VTA1: variants seen among roughly 807,000 people sequenced by gnomAD.
The protein encoded by VTA1 is vacuolar protein sorting-associated protein VTA1 homolog.
Under a neutral mutation model 36.9 loss-of-function variants are expected in VTA1, and 24 were observed. The ratio of observed to expected loss-of-function variants is 0.65; its 90% CI spans 0.47 to 0.91. The LOEUF is 0.91. Among genes scored for constraint, VTA1 ranks in the 40% least tolerant of loss-of-function variants. The pLI is 0.00. For missense variants in VTA1, 393 were observed against 377.2 expected (o/e 1.04, Z -0.35); for synonymous variants, 142 against 130.2 (o/e 1.09, Z -0.62).
At chr6:142,149,437 G>C (rs1044973034) in intron 1 of VTA1, among the ~76,000 whole-genome samples, 1 of 152,146 alleles carries the variant, frequency 6.6e-6, no homozygotes, top group Non-Finnish European at 1.5e-5. Context: ...CAATCTGGTG[G>C]GTGTGAAATG....
At chr6:142,199,792 A>T (rs1775644258) in intron 6 of VTA1, among the ~76,000 whole-genome samples, 1 of 152,058 alleles carries the variant, frequency 6.6e-6, no homozygotes, top group South Asian at 2.1e-4. Context: ...AGCATATTTG[A>T]CCTTGACTTT....
Position 142,223,616 on chromosome 6 carries a change from T to G in VTA1, c.*4973T>G, listed in dbSNP as rs1437150601. On this transcript the variant is annotated 3_prime_UTR_variant, in exon 8 of 8. Coordinates refer to ENST00000367630, the MANE Select transcript of VTA1 (RefSeq NM_016485.5). ...CATAGCAGTATTCCATGAATATAACTTAATGGGGAACTGGCTTCAGAGTTC... is the reference window on the plus strand; with the variant it reads ...CATAGCAGTATTCCATGAATATAACGTAATGGGGAACTGGCTTCAGAGTTC... 6.6e-6 allele frequency: 1 copy of G among 152,164 alleles called. No homozygotes were observed. The highest frequency in any genetic ancestry group is 2.4e-5 in the African/African-American group (1 of 41,448). 9.4% of individuals were successfully genotyped at this position (152,164 alleles called of 1,614,324 possible).
chr6:142,179,060 CTAA>C (rs1476607787), intron 4 of VTA1, among the ~76,000 whole-genome samples: 2 of 151,598 alleles, frequency 1.3e-5, no homozygotes, highest in East Asian at 3.9e-4. Context: ...GTCTGTGCAC[CTAA>C]TAATAAAACT....
intron 6 of VTA1, among the ~76,000 whole-genome samples, chr6:142,200,408 G>A (rs1281244948): frequency 1.3e-5 from 2 of 151,894 alleles, no homozygotes; most frequent in African/African-American, 4.8e-5. Flanking sequence ...TCACAACTGG[G>A]GGTAGGATAT....
At chr6:142,197,516 T>C (rs994418021) in intron 5 of VTA1, among the ~76,000 whole-genome samples, 3 of 152,220 alleles carry the variant, frequency 2.0e-5, no homozygotes, top group Non-Finnish European at 4.4e-5. Flanking sequence ...CGATACAGTA[T>C]ATTTTAAAAG....
chr6:142,222,405 T>C lies in VTA1; in HGVS notation c.*3762T>C, dbSNP rs1053437831. 2 of 152,188 alleles carry C rather than the reference T, an allele frequency of 1.3e-5. No homozygotes were observed. The highest frequency in any genetic ancestry group is 4.8e-5 in the African/African-American group (2 of 41,426). 9.4% of individuals were successfully genotyped at this position (152,188 alleles called of 1,614,324 possible). On this transcript the variant is annotated 3_prime_UTR_variant, in exon 8 of 8. Transcript: ENST00000367630. ...AGCTGCAAGCCAAGAATAGTTCCCA[T>C]GGTTAGCATGGCCTAGGAAGTTTAC... is the stretch of plus-strand genomic sequence containing the variant.
intron 5 of VTA1, among the ~76,000 whole-genome samples, chr6:142,197,988 T>C (rs927479013): frequency 6.7e-6 from 1 of 149,318 alleles, no homozygotes; most frequent in Non-Finnish European, 1.5e-5. Flanking sequence ...TCCCAGCTAC[T>C]CGGGAGGCTG....
At chr6:142,189,326 A>G (rs1231850821) in intron 4 of VTA1, 100 bp from the exon 5 acceptor site, 2 of 973,400 alleles carry the variant, frequency 2.1e-6, no homozygotes, top group African/African-American at 1.6e-5. Context: ...AATCTGCAAA[A>G]ATAGGTTTTA....
At chr6:142,171,052 TGTTAA>T (rs1562259398) in intron 4 of VTA1, among the ~76,000 whole-genome samples, 1 of 152,214 alleles carries the variant, frequency 6.6e-6, no homozygotes, top group Non-Finnish European at 1.5e-5. Flanking sequence ...TCCTGTATGT[TGTTAA>T]GTTTTTACAC....
intron 3 of VTA1, 61 bp downstream of exon 3, chr6:142,169,738 A>C: frequency 7.2e-7 from 1 of 1,397,454 alleles, no homozygotes; most frequent in Non-Finnish European, 9.3e-7. Flanking sequence ...ACCAAAATTA[A>C]CTAGTTTTCT....
intron 1 of VTA1, among the ~76,000 whole-genome samples, chr6:142,152,011 G>A (rs1482779582): frequency 6.6e-6 from 1 of 152,094 alleles, no homozygotes; most frequent in Non-Finnish European, 1.5e-5. Context: ...CCAACCTGGG[G>A]AACAGGAGCA....
At chr6:142,180,583 A>G (rs1223092468) in intron 4 of VTA1, among the ~76,000 whole-genome samples, 2 of 152,166 alleles carry the variant, frequency 1.3e-5, no homozygotes, top group Admixed American at 6.5e-5. Context: ...ATGTCTCTGA[A>G]TATCTTACCA....
At chr6:142,206,039 A>G (rs763872666) in intron 7 of VTA1, among the ~76,000 whole-genome samples, 2 of 152,190 alleles carry the variant, frequency 1.3e-5, no homozygotes, top group Non-Finnish European at 2.9e-5. Context: ...ACATTTTAAC[A>G]TCATACTGAA....
chr6:142,185,315 C>T (rs1193785307), intron 4 of VTA1, among the ~76,000 whole-genome samples: 1 of 152,054 alleles, frequency 6.6e-6, no homozygotes, highest in East Asian at 1.9e-4. Context: ...TTATATATCC[C>T]ATATTGCTAA....
intron 4 of VTA1, among the ~76,000 whole-genome samples, chr6:142,182,986 G>A (rs1035029347): frequency 1.3e-5 from 2 of 152,018 alleles, no homozygotes; most frequent in Non-Finnish European, 2.9e-5. Context: ...CTGAAGGAGC[G>A]CGCAGCAAGG....
chr6:142,196,818 T>C (rs1043177088), intron 5 of VTA1, among the ~76,000 whole-genome samples: 1 of 152,226 alleles, frequency 6.6e-6, no homozygotes, highest in African/African-American at 2.4e-5. Context: ...CATCCTGTTA[T>C]CTTTCTCTGC....
intron 4 of VTA1, among the ~76,000 whole-genome samples, chr6:142,181,094 A>AAATATATATATATAT (rs1471429927): frequency 3.6e-4 from 13 of 36,432 alleles, no homozygotes; most frequent in Non-Finnish European, 4.1e-4. Context: ...AAAAAAAAAA[A>AAATATATATATATAT]ATATATATAT....
intron 5 of VTA1, among the ~76,000 whole-genome samples, chr6:142,193,861 A>G (rs543327003): frequency 5.9e-5 from 9 of 152,090 alleles, no homozygotes; most frequent in South Asian, 2.1e-4. Flanking sequence ...CTCCAGCTCT[A>G]TGTCACAATT....
At chr6:142,152,364 G>A (rs1423337134) in intron 1 of VTA1, among the ~76,000 whole-genome samples, 1 of 152,024 alleles carries the variant, frequency 6.6e-6, no homozygotes, top group African/African-American at 2.4e-5. Flanking sequence ...TTGATGATAG[G>A]TGGTTATATG....
Sources: allele counts gnomAD v4.1 joint callset (sites outside exome capture counted in the v4.1 genomes callset), GRCh38; gene constraint gnomAD v4.1.1; transcripts MANE v1.5; gene names NCBI Gene and HGNC (gene_info 2026-07-23, HGNC 2026-07-21).